The following TAFA5 variants were observed in gnomAD, a reference collection of about 807,000 sequenced individuals.
The protein encoded by TAFA5 is chemokine-like protein TAFA-5.
A neutral mutation model predicts 15.3 loss-of-function variants in TAFA5; 6 were observed. The ratio of observed to expected loss-of-function variants is 0.39; its 90% CI spans 0.21 to 0.77. The LOEUF is 0.77. Ranked by LOEUF, TAFA5 falls within the 30% of genes least tolerant of loss-of-function variation. TAFA5 has a pLI of 0.41. For missense variants in TAFA5, 161 were observed against 193.1 expected, an observed-to-expected ratio of 0.83 and a Z score of 0.98; for synonymous variants, 103 against 80.7, an observed-to-expected ratio of 1.28 and a Z score of -1.48.
chr22:48,640,444 G>C (rs531559346), intron 1 of TAFA5, among the ~76,000 whole-genome samples: 15 of 152,326 alleles, frequency 9.8e-5, no homozygotes, highest in East Asian at 1.9e-4. Flanking sequence ...GGCAACCAAG[G>C]CTGGCTTATC....
At chr22:48,633,860 G>A (rs947533393) in intron 1 of TAFA5, among the ~76,000 whole-genome samples, 1 of 152,242 alleles carries the variant, frequency 6.6e-6, no homozygotes, top group Non-Finnish European at 1.5e-5. Flanking sequence ...TTCATTTATA[G>A]TGTTGATTTG....
At chr22:48,681,124 C>T (rs974506879) in intron 2 of TAFA5, among the ~76,000 whole-genome samples, 8 of 152,202 alleles carry the variant, frequency 5.3e-5, no homozygotes, top group Non-Finnish European at 1.0e-4. Context: ...ATGCAGCACT[C>T]GGAGGCAGGG....
chr22:48,617,334 G>T (rs1484975867), intron 1 of TAFA5, among the ~76,000 whole-genome samples: 1 of 151,422 alleles, frequency 6.6e-6, no homozygotes, highest in African/African-American at 2.4e-5. Flanking sequence ...AAAGCAAAGG[G>T]AACAGATTCT....
Position 48,714,525 on chromosome 22 carries a change from C to CA in TAFA5, c.390+6682dup, listed in dbSNP as rs753048372. Among the ~76,000 whole-genome samples, 10 of 152,220 alleles carry CA rather than the reference C, an allele frequency of 6.6e-5. No individual in the cohort carries two copies. The South Asian group carries it at 1.9e-3, about 28-fold the overall frequency. ...TGCAGAATCCAAAGAAAACTGGACT[C>CA]ACAGAGGCTCATGCTAGAGAGGGAG... On this transcript the variant is annotated intron_variant, in intron 3 of 3. Coordinates refer to ENST00000402357, the MANE Select transcript of TAFA5 (RefSeq NM_001082967.3).
intron 1 of TAFA5, among the ~76,000 whole-genome samples, chr22:48,593,908 G>A (rs1185875848): frequency 1.3e-5 from 2 of 152,326 alleles, no homozygotes; most frequent in East Asian, 3.9e-4. Context: ...AGTGCACGGC[G>A]CTGCAGCCCA....
chr22:48,518,556 G>C (rs1017471948), intron 1 of TAFA5, among the ~76,000 whole-genome samples: 1 of 152,136 alleles, frequency 6.6e-6, no homozygotes, highest in African/African-American at 2.4e-5. Context: ...GCAAAGGCTC[G>C]GAAAGAACCC....
intron 3 of TAFA5, among the ~76,000 whole-genome samples, chr22:48,748,985 G>A (rs146077453): frequency 4.0e-4 from 61 of 152,292 alleles, no homozygotes; most frequent in African/African-American, 1.4e-3. Flanking sequence ...GGCTGCCTGG[G>A]GCCCAGGGAA....
At chr22:48,620,658 C>CCACCCATCATCCACT (rs1925774868) in intron 1 of TAFA5, among the ~76,000 whole-genome samples, 1 of 59,244 alleles carries the variant, frequency 1.7e-5, no homozygotes, top group African/African-American at 5.9e-5. Context: ...CACCATCCAC[C>CCACCCATCATCCACT]ATCCATCCAC....
At chr22:48,523,971 C>T (rs895159757) in intron 1 of TAFA5, among the ~76,000 whole-genome samples, 4 of 152,332 alleles carry the variant, frequency 2.6e-5, no homozygotes, top group Admixed American at 2.0e-4. Flanking sequence ...CCCACAGCTA[C>T]CACCGCACGT....
chr22:48,578,453 T>G (rs1056198632), intron 1 of TAFA5, among the ~76,000 whole-genome samples: 5 of 152,222 alleles, frequency 3.3e-5, no homozygotes, highest in African/African-American at 4.8e-5. Context: ...TGGGAGGGTC[T>G]AGGTGTGGAG....
intron 2 of TAFA5, among the ~76,000 whole-genome samples, chr22:48,662,636 C>G (rs935541172): frequency 2.0e-5 from 3 of 152,190 alleles, no homozygotes; most frequent in Non-Finnish European, 4.4e-5. Context: ...TGTTCTGCCC[C>G]CCGGCTGGTG....
intron 3 of TAFA5, among the ~76,000 whole-genome samples, chr22:48,726,170 A>G (rs372607100): frequency 6.6e-6 from 1 of 152,226 alleles, no homozygotes; most frequent in Admixed American, 6.5e-5. Flanking sequence ...TTTACTTATG[A>G]ATTTGTTCTC....
intron 1 of TAFA5, chr22:48,576,284 C>T (rs1923794228): frequency 1.2e-5 from 12 of 985,106 alleles, no homozygotes; most frequent in African/African-American, 1.7e-5. Flanking sequence ...TCCCCCCGCC[C>T]GCTCCCCTCC....
Position 48,490,284 on chromosome 22 carries a change from G to A in TAFA5, c.112+580G>A, listed in dbSNP as rs1928100416. The stretch of plus-strand genomic sequence containing the variant: ...AAGTGAGGGATGGGATGCCCGGAGG[G>A]GGCTCGCCGCGGCCGCGGACGTTTC... On this transcript the variant is annotated intron_variant, in intron 1 of 3. Coordinates refer to ENST00000402357, the MANE Select transcript of TAFA5 (RefSeq NM_001082967.3). This position sits in a 1 kb window ranked among gnomAD's most constrained non-coding sequence, Gnocchi z 5.8. Among the ~76,000 whole-genome samples, 1 of 152,088 alleles carries A rather than the reference G, an allele frequency of 6.6e-6. No individual in the cohort carries two copies.
intron 1 of TAFA5, among the ~76,000 whole-genome samples, chr22:48,614,388 A>T (rs547065720): frequency 1.5e-4 from 23 of 152,342 alleles, no homozygotes; most frequent in African/African-American, 4.1e-4. Context: ...ACGTTTACCC[A>T]TTCACAGATG....
intron 1 of TAFA5, among the ~76,000 whole-genome samples, chr22:48,603,197 C>T (rs902845018): frequency 2.0e-5 from 3 of 152,266 alleles, no homozygotes; most frequent in African/African-American, 7.2e-5. Context: ...CCTCTGGGCC[C>T]TCTCCTCCTG....
At chr22:48,599,373 A>G (rs1478064368) in intron 1 of TAFA5, among the ~76,000 whole-genome samples, 2 of 152,250 alleles carry the variant, frequency 1.3e-5, no homozygotes, top group Non-Finnish European at 2.9e-5. Context: ...GGGCTGGGAC[A>G]GAGACTGAAC....
chr22:48,515,019 A>T (rs543290513), intron 1 of TAFA5, among the ~76,000 whole-genome samples: 1 of 152,322 alleles, frequency 6.6e-6, no homozygotes, highest in East Asian at 1.9e-4. Flanking sequence ...GAATCGTTCC[A>T]TGGAAAGGAG....
intron 1 of TAFA5, among the ~76,000 whole-genome samples, chr22:48,556,635 C>T (rs1601577166): frequency 6.6e-6 from 1 of 152,212 alleles, no homozygotes; most frequent in African/African-American, 2.4e-5. Context: ...GTCTGCAGGG[C>T]ACACATCACA....
Sources: gnomAD v4.1 joint callset for allele counts (sites outside exome capture counted in the v4.1 genomes callset) on GRCh38, gnomAD v4.1.1 for gene constraint, Gnocchi (gnomAD v3.1) non-coding constraint, MANE v1.5 for transcripts, NCBI Gene and HGNC (gene_info 2026-07-23, HGNC 2026-07-21) for gene names.